BCLAF1: variants seen among roughly 807,000 people sequenced by gnomAD.
BCLAF1 encodes bcl-2-associated transcription factor 1.
Under a neutral mutation model 99.5 loss-of-function variants are expected in BCLAF1, and 10 were observed. The ratio of observed to expected loss-of-function variants is 0.10; its 90% CI spans 0.06 to 0.17. The LOEUF is 0.17. BCLAF1 is among the 10% of genes least tolerant of loss of function. The probability of loss-of-function intolerance (pLI) is 1.00; values close to 1 mark genes in which losing one functional copy is unlikely to be tolerated. For missense variants in BCLAF1, 636 were observed against 1,105.8 expected (o/e 0.58, Z 6.02); for synonymous variants, 255 against 370.9 (o/e 0.69, Z 3.59).
intron 1 of BCLAF1, among the ~76,000 whole-genome samples, chr6:136,285,829 G>C (rs1429542805): frequency 6.6e-6 from 1 of 152,200 alleles, no homozygotes; most frequent in African/African-American, 2.4e-5. Context: ...GCCAGGAATG[G>C]TGGCTCACGC....
chr6:136,266,815 G>C (rs1397967149), intron 11 of BCLAF1, among the ~76,000 whole-genome samples: 2 of 151,932 alleles, frequency 1.3e-5, no homozygotes, highest in Non-Finnish European at 2.9e-5. Context: ...TGCTTACCCT[G>C]ATCAGCCTAT....
chr6:136,274,570 T>C (rs1452261934), intron 6 of BCLAF1, among the ~76,000 whole-genome samples: 4 of 152,068 alleles, frequency 2.6e-5, no homozygotes, highest in African/African-American at 9.7e-5. Flanking sequence ...TTCTGATGTA[T>C]CAACTGCATA....
chr6:136,265,850 G>A (rs1781637858), intron 11 of BCLAF1, among the ~76,000 whole-genome samples: 2 of 152,224 alleles, frequency 1.3e-5, no homozygotes, highest in Admixed American at 1.3e-4. Flanking sequence ...TCAAAAATTA[G>A]AATCACATCC....
Position 136,269,595 on chromosome 6 carries a change from C to T in BCLAF1, c.2061G>A (p.Arg687=), listed in dbSNP as rs370312223. Residue 687 remains arginine, a synonymous_variant, in exon 9 of 13, where the codon AGG becomes AGA. Transcript: ENST00000531224. ...CATGCCGAAGGTCAGCAGAGTCACA[C>T]CTTAATTTTTTATCTCCCTATAAAA... ...EENQKGDKKL[R]CDSADLRHDI... The T allele has an allele frequency of 1.9e-6, 3 of 1,594,518 alleles. No homozygotes were observed. Among genetic ancestry groups the T allele is most frequent in the South Asian group, 1.1e-5 (1 of 87,146 alleles).
Position 136,261,487 on chromosome 6 carries a change from G to A in BCLAF1, c.2545-10C>T. On this transcript the variant is annotated splice_polypyrimidine_tract_variant and intron_variant, in intron 11 of 12. Transcript: ENST00000531224. ...CATCTCTGTCGTCATGCTACAGAAA[G>A]GTTAAAAACAATTGTCAATGAAATG... The A allele has an allele frequency of 2.5e-6, 4 of 1,607,252 alleles. No homozygotes were observed. The South Asian group carries it at 4.4e-5, about 18-fold the overall frequency.
At chr6:136,288,815 G>C (rs1424192009) in intron 1 of BCLAF1, among the ~76,000 whole-genome samples, 4 of 152,222 alleles carry the variant, frequency 2.6e-5, no homozygotes, top group Non-Finnish European at 5.9e-5. Flanking sequence ...TCTCACACCA[G>C]CTGTCCACCA....
At chr6:136,261,192 A>T in intron 12 of BCLAF1, 73 bp downstream of exon 12, 1 of 1,564,558 alleles carries the variant, frequency 6.4e-7, no homozygotes. Context: ...AATTGTTCCT[A>T]AAAATGAAAT....
chr6:136,262,343 T>A (rs1781120901), intron 11 of BCLAF1, among the ~76,000 whole-genome samples: 2 of 152,152 alleles, frequency 1.3e-5, no homozygotes, highest in Admixed American at 1.3e-4. Context: ...AAAATGCCCC[T>A]TTATTAGAAA....
Position 136,261,483 on chromosome 6 carries a change from GA to G in BCLAF1, c.2545-7del. On this transcript the variant is annotated splice_polypyrimidine_tract_variant and splice_region_variant and intron_variant, in intron 11 of 12. Transcript: ENST00000531224. Reference sequence around the variant, plus strand: ...CCATCATCTCTGTCGTCATGCTACAGAAAGGTTAAAAACAATTGTCAATGAA... The same window carrying G: ...CCATCATCTCTGTCGTCATGCTACAGAAGGTTAAAAACAATTGTCAATGAA... 1 of 1,609,866 alleles carries G rather than the reference GA, an allele frequency of 6.2e-7. No homozygotes were observed. The highest frequency in any genetic ancestry group is 8.5e-7 in the Non-Finnish European group (1 of 1,178,540).
intron 8 of BCLAF1, 124 bp downstream of exon 8, chr6:136,271,871 A>T (rs914303456): frequency 1.9e-5 from 13 of 693,880 alleles, no homozygotes; most frequent in Non-Finnish European, 7.5e-6. Context: ...ACACTACCAT[A>T]ATATAGTTAT....
chr6:136,266,952 T>A, intron 11 of BCLAF1, 77 bp downstream of exon 11: 1 of 1,504,582 alleles, frequency 6.6e-7, no homozygotes, highest in East Asian at 2.3e-5. Context: ...GTAGTGGTTA[T>A]CTGTACTCAA....
intron 1 of BCLAF1, among the ~76,000 whole-genome samples, chr6:136,283,522 GA>G (rs1784657260): frequency 6.6e-6 from 1 of 152,108 alleles, no homozygotes; most frequent in African/African-American, 2.4e-5. Context: ...TACCAATACT[GA>G]AAAGTTTAGC....
intron 1 of BCLAF1, among the ~76,000 whole-genome samples, chr6:136,289,390 G>C (rs1043504761): frequency 6.6e-6 from 1 of 152,200 alleles, no homozygotes; most frequent in Non-Finnish European, 1.5e-5. Flanking sequence ...CAGAGGTACG[G>C]GCTGAAGAAA....
chr6:136,286,467 T>G (rs1036113642), intron 1 of BCLAF1, among the ~76,000 whole-genome samples: 2 of 152,224 alleles, frequency 1.3e-5, no homozygotes, highest in Non-Finnish European at 2.9e-5. Flanking sequence ...CAGGGTTAAA[T>G]GAACTAAGTA....
At chr6:136,272,362 A>C (rs910922367) in intron 7 of BCLAF1, among the ~76,000 whole-genome samples, 1 of 151,958 alleles carries the variant, frequency 6.6e-6, no homozygotes, top group Non-Finnish European at 1.5e-5. Context: ...TGTTTTGATT[A>C]AACTGGATAT....
In BCLAF1 at chr6:136,276,689, ACT is replaced by A. The variant is rs1783466436; in HGVS notation, c.1017-183_1017-182del. Among the ~76,000 whole-genome samples the A allele has an allele frequency of 2.0e-5, 3 of 152,336 alleles. No individual in the cohort carries two copies. The South Asian group carries it at 6.2e-4, about 32-fold the overall frequency. On this transcript the variant is annotated intron_variant, in intron 4 of 12. Coordinates refer to ENST00000531224, the MANE Select transcript of BCLAF1 (RefSeq NM_014739.3). ...GAAAGCATCCATATAGAACTTATGT[ACT>A]GACTTTTAAAATAAATTTACATTTG...
intron 9 of BCLAF1, chr6:136,269,060 A>C: frequency 1.9e-6 from 2 of 1,027,394 alleles, no homozygotes; most frequent in Non-Finnish European, 2.4e-6. Context: ...AAACCACTAG[A>C]TATCAGTTTA....
chr6:136,266,736 A>G (rs1219849377), intron 11 of BCLAF1, among the ~76,000 whole-genome samples: 1 of 152,114 alleles, frequency 6.6e-6, no homozygotes, highest in African/African-American at 2.4e-5. Flanking sequence ...CAGATATAAA[A>G]CAAACATTAA....
At chr6:136,272,527 C>CA (rs1258129697) in intron 7 of BCLAF1, among the ~76,000 whole-genome samples, 10 of 151,870 alleles carry the variant, frequency 6.6e-5, no homozygotes, top group African/African-American at 1.2e-4. Context: ...CAGTCATCAC[C>CA]AAAATCACAC....
Sources: allele counts gnomAD v4.1 joint callset (sites outside exome capture counted in the v4.1 genomes callset), GRCh38; gene constraint gnomAD v4.1.1; transcripts MANE v1.5; gene names NCBI Gene and HGNC (gene_info 2026-07-23, HGNC 2026-07-21).